The following EBF4 variants were observed in gnomAD, a reference collection of about 807,000 sequenced individuals.
EBF4 encodes the protein transcription factor COE4.
Under a neutral mutation model 67.1 loss-of-function variants are expected in EBF4, and 34 were observed. The observed-to-expected ratio is 0.51, with a 90% CI of 0.39 to 0.67. The LOEUF (loss-of-function observed/expected upper bound fraction) is 0.67, where lower values mean the gene tolerates loss of function less well. EBF4 is among the 30% of genes least tolerant of loss of function. The pLI, the probability that EBF4 is intolerant of heterozygous loss-of-function variation, is 0.00. For missense variants in EBF4, 837 were observed against 873.3 expected (o/e 0.96, Z 0.52); for synonymous variants, 387 against 377.7 (o/e 1.02, Z -0.29).
At chr20:2,735,984 C>A (rs1052022058) in intron 6 of EBF4, among the ~76,000 whole-genome samples, 1 of 152,188 alleles carries the variant, frequency 6.6e-6, no homozygotes, top group Non-Finnish European at 1.5e-5. Flanking sequence ...CTGTACCAAC[C>A]AATATGGTAG....
Position 2,755,729 on chromosome 20 carries a change from C to T in EBF4, c.1643C>T (p.Ser548Phe). ...TCCTTCTCGCCTGTCAACATGATCTCCGCCGTCAAACAGAGGAGCGCCTTC... is the reference window on the plus strand; with the variant it reads ...TCCTTCTCGCCTGTCAACATGATCTTCGCCGTCAAACAGAGGAGCGCCTTC... Residue 548 changes from serine (S) to phenylalanine (F), a missense_variant, in exon 15 of 17, where the codon TCC becomes TTC. Transcript: ENST00000609451. The surrounding 1 kb of genome is among the most constrained non-coding windows in gnomAD (Gnocchi z 4.7). 6.4e-7 allele frequency: 1 copy of T among 1,551,092 alleles called. No homozygotes were observed.
intron 1 of EBF4, among the ~76,000 whole-genome samples, chr20:2,698,166 C>T (rs73578036): frequency 0.017 from 2,656 of 152,296 alleles, 69 homozygotes; most frequent in African/African-American, 0.06. Flanking sequence ...CCCTCCCTTT[C>T]CCCTGCCCTC....
chr20:2,700,561 C>A (rs2087359783), intron 1 of EBF4, among the ~76,000 whole-genome samples: 1 of 152,150 alleles, frequency 6.6e-6, no homozygotes, highest in Non-Finnish European at 1.5e-5. Flanking sequence ...GACAGTGGCC[C>A]CCACATCCCA....
intron 6 of EBF4, among the ~76,000 whole-genome samples, chr20:2,746,417 G>A (rs1372536798): frequency 6.6e-6 from 1 of 152,040 alleles, no homozygotes; most frequent in Non-Finnish European, 1.5e-5. Context: ...AATATAGGGG[G>A]TGCCCACTGT....
chr20:2,705,529 C>G, intron 1 of EBF4, 48 bp from the exon 2 acceptor site: 3 of 1,551,210 alleles, frequency 1.9e-6, no homozygotes, highest in Non-Finnish European at 2.6e-6. Flanking sequence ...TGGAGTCTTT[C>G]TCACTGGGGG....
chr20:2,707,558 TGGAGGATGCACACA>T lies in EBF4; in HGVS notation c.415-379_415-366del, dbSNP rs2087476418. On this transcript the variant is annotated intron_variant, in intron 4 of 16. Coordinates refer to ENST00000609451, the Ensembl canonical transcript of EBF4. The surrounding 1 kb of genome is among the most constrained non-coding windows in gnomAD (Gnocchi z 4.6). ...ACAGAAGCAGAGGTCCGTCAGGACATGGAGGATGCACACAGGAGGATGCTGGGGGAGGGGAGGGG... is the reference window on the plus strand; with the variant it reads ...ACAGAAGCAGAGGTCCGTCAGGACATGGAGGATGCTGGGGGAGGGGAGGGG... Among the ~76,000 whole-genome samples, 1 of 151,502 alleles carries T rather than the reference TGGAGGATGCACACA, an allele frequency of 6.6e-6. No individual in the cohort carries two copies. The highest frequency in any genetic ancestry group is 2.1e-4 in the South Asian group (1 of 4,796).
chr20:2,716,624 T>C (rs1171005325), intron 6 of EBF4, among the ~76,000 whole-genome samples: 3 of 152,224 alleles, frequency 2.0e-5, no homozygotes, highest in Non-Finnish European at 4.4e-5. Context: ...CCTTTCACAT[T>C]TGTCATCCCT....
At chr20:2,706,130 G>C in intron 3 of EBF4, 79 bp from the exon 4 acceptor site, 1 of 1,549,560 alleles carries the variant, frequency 6.5e-7, no homozygotes, top group Non-Finnish European at 8.7e-7. Context: ...GCCAGGGCTG[G>C]GGAGGGTGTG....
chr20:2,721,188 TCC>T lies in EBF4; in HGVS notation c.557+11547_557+11548del, dbSNP rs2087674638. ...TTTTCTACCCCTCTTCTTTGGGGAC[TCC>T]AATTACTCACATATTGGAACTTCTT... On this transcript the variant is annotated intron_variant, in intron 6 of 16. Coordinates refer to ENST00000609451, the Ensembl canonical transcript of EBF4. 2.6e-5 allele frequency among the ~76,000 whole-genome samples: 4 copies of T among 151,588 alleles called. No homozygotes were observed. The East Asian group carries it at 5.8e-4, about 22-fold the overall frequency.
rs2087938115 is a variant in EBF4, at chr20:2,739,476, C to T, written c.558-9073C>T. Among the ~76,000 whole-genome samples, 1 of 152,212 alleles carries T rather than the reference C, an allele frequency of 6.6e-6. No homozygotes were observed. The highest frequency in any genetic ancestry group is 2.4e-5 in the African/African-American group (1 of 41,454). On this transcript the variant is annotated intron_variant, in intron 6 of 16. Transcript: ENST00000609451. The surrounding 1 kb of genome is among the most constrained non-coding windows in gnomAD (Gnocchi z 4.5). The stretch of plus-strand genomic sequence containing the variant: ...CACTGCAGATTACACTTGGCACATC[C>T]TCCTGCCGTGCCCACCACTCTGTCT...
chr20:2,703,412 G>C (rs2146377313), intron 1 of EBF4, among the ~76,000 whole-genome samples: 1 of 151,798 alleles, frequency 6.6e-6, no homozygotes, highest in East Asian at 1.9e-4. Flanking sequence ...CTCCAGCCCG[G>C]ATGACAGAGC....
intron 6 of EBF4, among the ~76,000 whole-genome samples, chr20:2,744,487 C>CTTTTTTTTTTTTTTT (rs778840182): frequency 2.2e-4 from 24 of 111,482 alleles, no homozygotes; most frequent in Non-Finnish European, 2.6e-4. Flanking sequence ...TTCTTTTTTT[C>CTTTTTTTTTTTTTTT]TTTTCTTTTT....
chr20:2,727,277 A>G (rs6084141), intron 6 of EBF4, among the ~76,000 whole-genome samples: 23,437 of 152,008 alleles, frequency 0.15, 2,293 homozygotes, highest in African/African-American at 0.27. Context: ...TCTCTTGGCT[A>G]TGAACATGGG....
At chr20:2,737,116 G>A (rs545244967) in intron 6 of EBF4, among the ~76,000 whole-genome samples, 24 of 150,690 alleles carry the variant, frequency 1.6e-4, no homozygotes, top group Middle Eastern at 3.4e-3. Flanking sequence ...CGGGCGTGGT[G>A]GCGGGCGCCT....
At chr20:2,708,970 G>A (rs564618589) in intron 5 of EBF4, among the ~76,000 whole-genome samples, 5 of 152,272 alleles carry the variant, frequency 3.3e-5, no homozygotes, top group Admixed American at 3.3e-4. Flanking sequence ...CGGATCACTT[G>A]AGGCCAGGAG....
chr20:2,737,033 A>G (rs1278313126), intron 6 of EBF4, among the ~76,000 whole-genome samples: 1 of 151,920 alleles, frequency 6.6e-6, no homozygotes, highest in Non-Finnish European at 1.5e-5. Context: ...GCAGATCACA[A>G]GGTCAGGAGA....
chr20:2,705,925 G>A, intron 2 of EBF4, 49 bp from the exon 3 acceptor site: 1 of 1,535,374 alleles, frequency 6.5e-7, no homozygotes, highest in South Asian at 1.2e-5. Context: ...GACAAGGGAG[G>A]CTGGAGGATC....
At chr20:2,737,110 C>A (rs528618328) in intron 6 of EBF4, among the ~76,000 whole-genome samples, 3 of 150,490 alleles carry the variant, frequency 2.0e-5, no homozygotes, top group Non-Finnish European at 4.4e-5. Context: ...ATTAGCCGGG[C>A]GTGGTGGCGG....
intron 6 of EBF4, among the ~76,000 whole-genome samples, chr20:2,722,989 A>T (rs2087702243): frequency 1.3e-5 from 2 of 152,192 alleles, no homozygotes; most frequent in African/African-American, 4.8e-5. Context: ...ATCTTTACTT[A>T]TAATTGTCTG....
Sources: allele counts gnomAD v4.1 joint callset (sites outside exome capture counted in the v4.1 genomes callset), GRCh38; gene constraint gnomAD v4.1.1; non-coding constraint Gnocchi (gnomAD v3.1); transcripts MANE v1.5; gene names NCBI Gene and HGNC (gene_info 2026-07-23, HGNC 2026-07-21).